The following RNLS variants were observed in gnomAD, a reference collection of about 807,000 sequenced individuals.
RNLS encodes renalase, FAD dependent amine oxidase, also known as renalase.
RNLS carries 39 observed loss-of-function variants against 39.8 expected under a neutral mutation model. That is an observed-to-expected ratio of 0.98 (90% CI 0.76 to 1.28). RNLS has a LOEUF of 1.28. Ranked by LOEUF, RNLS falls within the 50% of genes most tolerant of loss-of-function variation. The pLI, the probability that RNLS is intolerant of heterozygous loss-of-function variation, is 0.00. For missense variants in RNLS, 410 were observed against 413.3 expected (o/e 0.99, Z 0.07); for synonymous variants, 147 against 150.7 (o/e 0.98, Z 0.18).
the RNLS span, among the ~76,000 whole-genome samples, chr10:88,261,792 C>A: frequency 1.3e-5 from 2 of 152,316 alleles, no homozygotes; most frequent in Non-Finnish European, 2.9e-5. Flanking sequence ...TGACTTTCAG[C>A]AGCTCAGAAT....
chr10:88,542,428 A>C (rs1208599887), intron 4 of RNLS, among the ~76,000 whole-genome samples: 2 of 152,204 alleles, frequency 1.3e-5, no homozygotes. Flanking sequence ...CAACGTGTAC[A>C]TCTTCTAGAT....
At chr10:88,217,205 C>T in the RNLS span, among the ~76,000 whole-genome samples, 2 of 152,266 alleles carry the variant, frequency 1.3e-5, no homozygotes, top group African/African-American at 2.4e-5. Context: ...GGAGATAACA[C>T]CTGCTGTTAC....
chr10:88,237,717 A>G, the RNLS span, among the ~76,000 whole-genome samples: 1 of 152,198 alleles, frequency 6.6e-6, no homozygotes, highest in African/African-American at 2.4e-5. Flanking sequence ...ATAAGGCTGT[A>G]TTTCTATTAC....
At chr10:88,347,788 T>G (rs189344401) in intron 5 of RNLS, among the ~76,000 whole-genome samples, 1 of 152,226 alleles carries the variant, frequency 6.6e-6, no homozygotes, top group African/African-American at 2.4e-5. Context: ...TTTTCGCCCT[T>G]TCTTTGTTCC....
At chr10:88,566,942 T>TA (rs1347435251) in intron 4 of RNLS, among the ~76,000 whole-genome samples, 1 of 151,556 alleles carries the variant, frequency 6.6e-6, no homozygotes, top group East Asian at 1.9e-4. Context: ...GGCTCAAAGA[T>TA]AAAAAATATA....
intron 6 of RNLS, among the ~76,000 whole-genome samples, chr10:88,295,841 C>T (rs1340544349): frequency 1.3e-5 from 2 of 152,148 alleles, no homozygotes; most frequent in African/African-American, 2.4e-5. Context: ...TACATTGACT[C>T]TATTTAGATC....
chr10:88,296,689 A>G (rs1716640767), intron 6 of RNLS, among the ~76,000 whole-genome samples: 1 of 152,196 alleles, frequency 6.6e-6, no homozygotes, highest in Non-Finnish European at 1.5e-5. Context: ...TTGAACCTAT[A>G]TACAGTAAAA....
chr10:88,184,318 C>T, the RNLS span, among the ~76,000 whole-genome samples: 675 of 152,206 alleles, frequency 4.4e-3, 4 homozygotes, highest in African/African-American at 0.015. Flanking sequence ...CTGTAATACC[C>T]ATAGACAATT....
At chr10:88,550,166 T>A (rs1725433137) in intron 4 of RNLS, among the ~76,000 whole-genome samples, 1 of 152,178 alleles carries the variant, frequency 6.6e-6, no homozygotes, top group South Asian at 2.1e-4. Context: ...TTACCAGAAA[T>A]AAAGATTATT....
At chr10:88,572,777 G>A (rs1849919134) in intron 4 of RNLS, 126 bp downstream of exon 4, 6 of 988,684 alleles carry the variant, frequency 6.1e-6, no homozygotes, top group Middle Eastern at 2.9e-4. Flanking sequence ...GTAAGTATCA[G>A]TTTTTAAGAC....
At position 88,285,208 on chromosome 10, in the gene RNLS, A is replaced by C. The variant is rs924511148; in HGVS notation, c.*146T>G. The C allele has an allele frequency of 7.3e-6, 10 of 1,367,232 alleles. No homozygotes were observed. Among genetic ancestry groups the C allele is most frequent in the Admixed American group, 3.2e-5 (1 of 31,416 alleles). 84.7% of individuals were successfully genotyped at this position (1,367,232 alleles called of 1,614,324 possible). A position where few individuals can be genotyped will look rare whatever the true frequency, so the allele number is the denominator to read the frequency against. The stretch of plus-strand genomic sequence containing the variant: ...TGTAACTATCAAAATTACAAAATTG[A>C]TTTTATACTCCACATGAAAAATGAT... On this transcript the variant is annotated 3_prime_UTR_variant, in exon 7 of 7. Coordinates refer to ENST00000331772, the MANE Select transcript of RNLS (RefSeq NM_001031709.3).
intron 5 of RNLS, among the ~76,000 whole-genome samples, chr10:88,345,585 C>A (rs977271472): frequency 6.6e-6 from 1 of 152,088 alleles, no homozygotes; most frequent in Non-Finnish European, 1.5e-5. Context: ...ACTAATGGAC[C>A]AAAACCATAA....
chr10:88,377,857 T>C (rs373264528), intron 4 of RNLS, among the ~76,000 whole-genome samples: 7 of 152,214 alleles, frequency 4.6e-5, no homozygotes, highest in African/African-American at 1.7e-4. Flanking sequence ...CATTTGTACT[T>C]TGTAAACTTT....
the RNLS span, among the ~76,000 whole-genome samples, chr10:88,175,912 G>C: frequency 3.2e-4 from 49 of 152,136 alleles, no homozygotes; most frequent in African/African-American, 1.2e-3. Context: ...ATATATGAGT[G>C]TGCTCTGGTG....
chr10:88,171,798 G>A, the RNLS span, among the ~76,000 whole-genome samples: 1 of 152,022 alleles, frequency 6.6e-6, no homozygotes, highest in Non-Finnish European at 1.5e-5. Context: ...CTCTTATCTA[G>A]TTGTAATTTC....
chr10:88,367,980 A>C (rs1416567253), intron 4 of RNLS, among the ~76,000 whole-genome samples: 1 of 152,052 alleles, frequency 6.6e-6, no homozygotes, highest in Non-Finnish European at 1.5e-5. Flanking sequence ...GATTTGATGA[A>C]TAGAGTTTTA....
chr10:88,568,658 T>C (rs1449635544), intron 4 of RNLS, among the ~76,000 whole-genome samples: 1 of 151,898 alleles, frequency 6.6e-6, no homozygotes, highest in Non-Finnish European at 1.5e-5. Flanking sequence ...GTCGCATGGG[T>C]TCATATAATC....
chr10:88,202,413 C>T, the RNLS span, among the ~76,000 whole-genome samples: 7 of 152,090 alleles, frequency 4.6e-5, no homozygotes, highest in African/African-American at 1.7e-4. Flanking sequence ...CAAACCTGCA[C>T]GTTGTGCACA....
At chr10:88,377,251 CACACACACGCACACAT>C (rs1851083913) in intron 4 of RNLS, among the ~76,000 whole-genome samples, 1 of 144,090 alleles carries the variant, frequency 6.9e-6, no homozygotes, top group African/African-American at 2.4e-5. Flanking sequence ...TACACACACA[CACACACACGCACACAT>C]CCTTATTGTT....
Sources: allele counts gnomAD v4.1 joint callset (sites outside exome capture counted in the v4.1 genomes callset), GRCh38; gene constraint gnomAD v4.1.1; transcripts MANE v1.5; gene names NCBI Gene and HGNC (gene_info 2026-07-23, HGNC 2026-07-21).